Variants in MBD5 observed in about 807,000 individuals in gnomAD.
MBD5 encodes the protein methyl-CpG binding domain protein 5.
MBD5 carries 13 observed loss-of-function variants against 117.3 expected under a neutral mutation model. The ratio of observed to expected loss-of-function variants is 0.11; its 90% CI spans 0.07 to 0.18. The LOEUF is 0.18. MBD5 is among the 10% of genes least tolerant of loss of function. The pLI is 1.00. For missense variants in MBD5, 1,879 were observed against 2,093.8 expected, an observed-to-expected ratio of 0.90 and a Z score of 2.00; for synonymous variants, 727 against 766.4, an observed-to-expected ratio of 0.95 and a Z score of 0.85.
intron 3 of MBD5, among the ~76,000 whole-genome samples, chr2:148,294,509 T>TTTTTTGTTTTTTTTTTTTTTTTTGTTTG (rs750245317): frequency 7.7e-6 from 1 of 129,984 alleles, no homozygotes; most frequent in Admixed American, 7.8e-5. Flanking sequence ...CAGTTTTTTT[T>TTTTTTGTTTTTTTTTTTTTTTTTGTTTG]TTTTTTTTTT....
intron 4 of MBD5, among the ~76,000 whole-genome samples, chr2:148,357,869 C>CAAATATT (rs1559038210): frequency 6.6e-6 from 1 of 152,138 alleles, no homozygotes; most frequent in East Asian, 1.9e-4. Flanking sequence ...GTTCATTATA[C>CAAATATT]AAATATTCAG....
intron 3 of MBD5, among the ~76,000 whole-genome samples, chr2:148,257,613 A>G (rs1192261273): frequency 6.6e-6 from 1 of 152,210 alleles, no homozygotes; most frequent in African/African-American, 2.4e-5. Context: ...CCACTTCTAA[A>G]TCTGCAAGAG....
Position 148,490,176 on chromosome 2 carries a change from A to G in MBD5, c.4544A>G (p.Asn1515Ser). 1 of 1,614,142 alleles carries G rather than the reference A, an allele frequency of 6.2e-7. No homozygotes were observed. Reference protein sequence around the residue: ...TMMSFKERLENTVERCAHING... With the variant: ...TMMSFKERLESTVERCAHING... Reference sequence around the variant, plus strand: ...ATGAGTTTTAAGGAGAGACTAGAGAACACTGTGGAAAGATGTGCACACATA... The same window carrying G: ...ATGAGTTTTAAGGAGAGACTAGAGAGCACTGTGGAAAGATGTGCACACATA... The change falls in exon 11 of 14, where the codon AAC becomes AGC. Residue 1515 changes from asparagine (N) to serine (S), a missense_variant. Physicochemically the swap from Asn to Ser is conservative, Grantham distance 46 (BLOSUM62 1). Coordinates refer to ENST00000642680, the MANE Select transcript of MBD5 (RefSeq NM_001378120.1).
chr2:148,117,431 G>A (rs1345538118), intron 1 of MBD5, among the ~76,000 whole-genome samples: 2 of 151,808 alleles, frequency 1.3e-5, no homozygotes, highest in Non-Finnish European at 2.9e-5. Flanking sequence ...ACAATATTTA[G>A]AATAATGAAT....
At chr2:148,495,123 A>G (rs1404729172) in intron 11 of MBD5, among the ~76,000 whole-genome samples, 1 of 152,144 alleles carries the variant, frequency 6.6e-6, no homozygotes, top group East Asian at 1.9e-4. Flanking sequence ...GCTCCAGTGC[A>G]TAGCCAGAAC....
chr2:148,031,275 A>T (rs1054731495), intron 1 of MBD5, among the ~76,000 whole-genome samples: 1 of 152,162 alleles, frequency 6.6e-6, no homozygotes, highest in Non-Finnish European at 1.5e-5. Flanking sequence ...TGAAACATGT[A>T]CTTGAAAAAC....
At chr2:148,398,644 C>T (rs1419625212) in intron 4 of MBD5, among the ~76,000 whole-genome samples, 4 of 152,064 alleles carry the variant, frequency 2.6e-5, no homozygotes, top group South Asian at 2.1e-4. Flanking sequence ...TGTGCACAAG[C>T]TCTTTAGTTT....
chr2:148,475,490 G>A (rs1680935043), intron 8 of MBD5, among the ~76,000 whole-genome samples: 1 of 151,970 alleles, frequency 6.6e-6, no homozygotes, highest in Non-Finnish European at 1.5e-5. Flanking sequence ...ATGTTCAGCT[G>A]TAGACGTTGA....
intron 7 of MBD5, among the ~76,000 whole-genome samples, chr2:148,466,370 T>A (rs1707259406): frequency 6.6e-6 from 1 of 152,186 alleles, no homozygotes; most frequent in Non-Finnish European, 1.5e-5. Context: ...GGTAACTATT[T>A]TCCCCCAAGT....
intron 2 of MBD5, among the ~76,000 whole-genome samples, chr2:148,195,049 C>CA (rs1382091516): frequency 4.6e-5 from 7 of 151,998 alleles, no homozygotes; most frequent in African/African-American, 1.7e-4. Flanking sequence ...TATCAGAGAT[C>CA]AAAATGTAAA....
chr2:148,469,203 G>A lies in MBD5; in HGVS notation c.1260G>A (p.Gly420=). ...TAAAACCTGGTCACATGAATCATGGGAGTCATGTACAAAGAGTTCAGCATT... is the reference window on the plus strand; with the variant it reads ...TAAAACCTGGTCACATGAATCATGGAAGTCATGTACAAAGAGTTCAGCATT... ...PTVKPGHMNH[G]SHVQRVQHSA... is the part of the protein sequence containing the mutation. Residue 420 remains glycine, a synonymous_variant, in exon 8 of 14, where the codon GGG becomes GGA. Transcript: ENST00000642680. 1 of 1,613,996 alleles carries A rather than the reference G, an allele frequency of 6.2e-7. No homozygotes were observed. The highest frequency in any genetic ancestry group is 8.5e-7 in the Non-Finnish European group (1 of 1,179,968).
Position 148,469,661 on chromosome 2 carries a change from C to T in MBD5, c.1718C>T (p.Ser573Phe), listed in dbSNP as rs540723139. The change falls in exon 8 of 14, where the codon TCC becomes TTC. Residue 573 changes from serine to phenylalanine, a missense_variant. By Grantham distance (155) the Ser-to-Phe change is radical. This residue lies in a region of MBD5 where 1,666 missense variants were observed against 1,792.2 expected (regional missense o/e 0.93). Coordinates refer to ENST00000642680, the MANE Select transcript of MBD5 (RefSeq NM_001378120.1). Reference sequence around the variant, plus strand: ...ATCTTGAACCAGCACAATGCTGCCTCCTTTCCAGCAAGTAGTTTACTCTCA... The same window carrying T: ...ATCTTGAACCAGCACAATGCTGCCTTCTTTCCAGCAAGTAGTTTACTCTCA... The part of the protein sequence containing the change: ...NQILNQHNAA[S>F]FPASSLLSAA... The T allele has an allele frequency of 1.6e-5, 26 of 1,613,964 alleles. No individual in the cohort carries two copies. The highest frequency in any genetic ancestry group is 4.5e-5 in the East Asian group (2 of 44,874).
intron 1 of MBD5, among the ~76,000 whole-genome samples, chr2:148,042,450 G>A (rs1694388455): frequency 1.3e-5 from 2 of 151,784 alleles, no homozygotes; most frequent in Non-Finnish European, 1.5e-5. Context: ...AAAACAAGAG[G>A]CCAAAGAACC....
rs1440406532 is a variant in MBD5 at position 148,251,607 on chromosome 2, T to C, written c.-680+18212T>C. Among the ~76,000 whole-genome samples the C allele has an allele frequency of 2.6e-5, 4 of 152,332 alleles. No individual in the cohort carries two copies. In the South Asian group the frequency reaches 6.2e-4, roughly 24 times the overall value. ...TACATTTTACGTAATTCCTATTCAA[T>C]TGAAAATACCTCTTGGTCATAATTC... is the stretch of plus-strand genomic sequence containing the variant. On this transcript the variant is annotated intron_variant, in intron 3 of 13. Transcript: ENST00000642680.
At chr2:148,345,227 C>CACACAAACACACAT (rs1406242156) in intron 4 of MBD5, among the ~76,000 whole-genome samples, 1 of 150,096 alleles carries the variant, frequency 6.7e-6, no homozygotes, top group Non-Finnish European at 1.5e-5. Flanking sequence ...TACACACACA[C>CACACAAACACACAT]ATATATATAC....
intron 3 of MBD5, among the ~76,000 whole-genome samples, chr2:148,312,632 C>T (rs959336074): frequency 6.6e-6 from 1 of 152,098 alleles, no homozygotes; most frequent in South Asian, 2.1e-4. Flanking sequence ...TTATTACCCA[C>T]CTTCTGAAGC....
intron 1 of MBD5, among the ~76,000 whole-genome samples, chr2:148,061,370 T>C (rs773667749): frequency 6.6e-6 from 1 of 152,104 alleles, no homozygotes; most frequent in Non-Finnish European, 1.5e-5. Context: ...CTAGGAAATA[T>C]TTAAAATTAG....
At chr2:148,375,350 A>C (rs1703962393) in intron 4 of MBD5, among the ~76,000 whole-genome samples, 1 of 152,214 alleles carries the variant, frequency 6.6e-6, no homozygotes, top group Admixed American at 6.5e-5. Flanking sequence ...CAGCAAGACA[A>C]GAGCTGGCTT....
rs1705914264 is a variant in MBD5, at chr2:148,429,437, G to A, written c.-556-28766G>A. Among the ~76,000 whole-genome samples the A allele has an allele frequency of 3.3e-5, 5 of 152,040 alleles. No individual in the cohort carries two copies. The South Asian group carries it at 8.3e-4, about 25-fold the overall frequency. On this transcript the variant is annotated intron_variant, in intron 4 of 13. Transcript: ENST00000642680. Reference sequence around the variant, plus strand: ...TTCAATCATTGTGGAAGAGAGTGTGGCAATTCCTCAAGGATCCAGAACTAG... The same window carrying A: ...TTCAATCATTGTGGAAGAGAGTGTGACAATTCCTCAAGGATCCAGAACTAG...
Sources: allele counts gnomAD v4.1 joint callset (sites outside exome capture counted in the v4.1 genomes callset), GRCh38; gene constraint gnomAD v4.1.1; regional missense constraint gnomAD v4.1.1; transcripts MANE v1.5; gene names NCBI Gene and HGNC (gene_info 2026-07-23, HGNC 2026-07-21).